The following UBN2 variants were observed in gnomAD, a reference collection of about 807,000 sequenced individuals.
UBN2 encodes ubinuclein 2.
Under a neutral mutation model 120.2 loss-of-function variants are expected in UBN2, and 35 were observed. The ratio of observed to expected loss-of-function variants is 0.29; its 90% CI spans 0.22 to 0.39. The LOEUF (loss-of-function observed/expected upper bound fraction) is 0.39, where lower values mean the gene tolerates loss of function less well. UBN2 is among the 10% of genes least tolerant of loss of function. The pLI is 1.00. For synonymous variants in UBN2, 661 were observed against 648.7 expected (o/e 1.02, Z -0.29); for missense variants, 1,693 against 1,663.2 (o/e 1.02, Z -0.31).
At chr7:139,270,821 C>G (rs1585011775) in intron 8 of UBN2, among the ~76,000 whole-genome samples, 2 of 152,048 alleles carry the variant, frequency 1.3e-5, no homozygotes, top group African/African-American at 4.8e-5. Flanking sequence ...CTCGGCTCAC[C>G]ACAACCTCCA....
Position 139,259,266 on chromosome 7 carries a change from G to A in UBN2, c.802-1G>A. On this transcript the variant is annotated splice_acceptor_variant, in intron 4 of 17. Transcript: ENST00000473989. LOFTEE classifies it high-confidence loss of function. ...ATGATCATTCTTTTATCATTTTGCAGGTCCCCAAAATAAAAGAAGATGATA... is the reference window on the plus strand; with the variant it reads ...ATGATCATTCTTTTATCATTTTGCAAGTCCCCAAAATAAAAGAAGATGATA... 1 of 1,612,066 alleles carries A rather than the reference G, an allele frequency of 6.2e-7. No individual in the cohort carries two copies. The highest frequency in any genetic ancestry group is 8.5e-7 in the Non-Finnish European group (1 of 1,179,398).
intron 2 of UBN2, among the ~76,000 whole-genome samples, chr7:139,240,452 ATAT>A (rs1241422135): frequency 1.6e-3 from 95 of 57,652 alleles, no homozygotes; most frequent in South Asian, 5.3e-3. Context: ...ATATATATAT[ATAT>A]TTTTTTTTTT....
chr7:139,239,030 C>A (rs1488731282), intron 2 of UBN2, among the ~76,000 whole-genome samples: 3 of 152,148 alleles, frequency 2.0e-5, no homozygotes, highest in Non-Finnish European at 4.4e-5. Flanking sequence ...AACTAGTACA[C>A]TTATGTGGCT....
rs766489381 is a variant in UBN2, at chr7:139,283,047, G to A, written c.2142G>A (p.Gln714=). The change falls in exon 15 of 18, where the codon CAG becomes CAA. Residue 714 remains glutamine (Q), a synonymous_variant. Coordinates refer to ENST00000473989, the MANE Select transcript of UBN2 (RefSeq NM_173569.4). ...AGGAGTGTAGTCCAAAAAAGGACCAGAAAACTCCAACATCCCTGGTGGCTT... is the reference window on the plus strand; with the variant it reads ...AGGAGTGTAGTCCAAAAAAGGACCAAAAAACTCCAACATCCCTGGTGGCTT... ...MLKECSPKKD[Q]KTPTSLVASV... The A allele has an allele frequency of 6.2e-7, 1 of 1,602,476 alleles. No individual in the cohort carries two copies. Among genetic ancestry groups the A allele is most frequent in the Non-Finnish European group, 8.5e-7 (1 of 1,175,538 alleles).
At chr7:139,269,910 G>T (rs1373847476) in intron 8 of UBN2, among the ~76,000 whole-genome samples, 1 of 151,624 alleles carries the variant, frequency 6.6e-6, no homozygotes, top group Non-Finnish European at 1.5e-5. Context: ...CTGGGCTCGA[G>T]CAGTCCTCCC....
chr7:139,250,696 A>G (rs1029146420), intron 2 of UBN2, among the ~76,000 whole-genome samples: 2 of 152,190 alleles, frequency 1.3e-5, no homozygotes, highest in African/African-American at 4.8e-5. Flanking sequence ...ACATTGGCAT[A>G]ATACAGTCAA....
the UBN2 span, among the ~76,000 whole-genome samples, chr7:139,313,864 T>A: frequency 6.6e-6 from 1 of 151,656 alleles, no homozygotes; most frequent in Admixed American, 6.6e-5. Context: ...TTTTTTTTTT[T>A]TGAGACAGAG....
rs745528324 is a variant in UBN2, at chr7:139,231,916, C to G, written c.432C>G (p.Phe144Leu). 154 of 1,587,168 alleles carry G rather than the reference C, an allele frequency of 9.7e-5. No homozygotes were observed. The highest frequency in any genetic ancestry group is 1.2e-4 in the Non-Finnish European group (146 of 1,172,928). ...CCACCGACGAGAGCTGCGTGGAGTTCAGTTACCCGGAGCTGCTGCTGTGCG... is the reference window on the plus strand; with the variant it reads ...CCACCGACGAGAGCTGCGTGGAGTTGAGTTACCCGGAGCTGCTGCTGTGCG... Reference protein sequence around the residue: ...KDPTDESCVEFSYPELLLCGE... With the variant: ...KDPTDESCVELSYPELLLCGE... Residue 144 changes from phenylalanine (F) to leucine (L), a missense_variant, in exon 1 of 18, where the codon TTC becomes TTG. Coordinates refer to ENST00000473989, the MANE Select transcript of UBN2 (RefSeq NM_173569.4).
chr7:139,322,289 GTAAAA>G, the UBN2 span, among the ~76,000 whole-genome samples: 2 of 151,990 alleles, frequency 1.3e-5, no homozygotes, highest in South Asian at 4.1e-4. Flanking sequence ...TATTTTTTAA[GTAAAA>G]TAAACAAACA....
intron 3 of UBN2, among the ~76,000 whole-genome samples, chr7:139,254,066 G>A (rs1347939634): frequency 2.0e-5 from 3 of 152,152 alleles, no homozygotes; most frequent in South Asian, 2.1e-4. Flanking sequence ...GGCAGAGGCC[G>A]GCAGATCACG....
intron 2 of UBN2, among the ~76,000 whole-genome samples, chr7:139,242,641 C>CT (rs1796354021): frequency 6.6e-6 from 1 of 152,224 alleles, no homozygotes. Flanking sequence ...ATTCTGATCA[C>CT]TTGCTGTGAC....
At chr7:139,294,006 C>T (rs1798039231) in intron 17 of UBN2, 25 bp downstream of exon 17, 3 of 1,600,760 alleles carry the variant, frequency 1.9e-6, no homozygotes, top group Non-Finnish European at 2.6e-6. Flanking sequence ...TCCTTCATCT[C>T]TTTCTTATTT....
At chr7:139,294,173 A>G (rs1202341692) in intron 17 of UBN2, among the ~76,000 whole-genome samples, 192 bp downstream of exon 17, 1 of 152,258 alleles carries the variant, frequency 6.6e-6, no homozygotes, top group Non-Finnish European at 1.5e-5. Flanking sequence ...GATCTGTAAC[A>G]TATAAAAAGA....
At chr7:139,232,002 C>T (rs779288108) in intron 1 of UBN2, 50 bp downstream of exon 1, 9 of 1,544,718 alleles carry the variant, frequency 5.8e-6, no homozygotes, top group Non-Finnish European at 7.9e-6. Context: ...CCTCAGGACC[C>T]GCCGCCTTCC....
At chr7:139,264,676 C>T (rs1797039757) in intron 6 of UBN2, among the ~76,000 whole-genome samples, 1 of 152,136 alleles carries the variant, frequency 6.6e-6, no homozygotes, top group Admixed American at 6.5e-5. Flanking sequence ...GCAACCTCCG[C>T]CTCCCGGGTT....
intron 1 of UBN2, 115 bp from the exon 2 acceptor site, chr7:139,236,890 C>T (rs1796177220): frequency 5.9e-6 from 3 of 511,012 alleles, no homozygotes; most frequent in Non-Finnish European, 7.0e-6. Context: ...TTTCAGATCA[C>T]ATTTATTGAA....
chr7:139,249,290 C>T (rs1307646925), intron 2 of UBN2, among the ~76,000 whole-genome samples: 2 of 152,118 alleles, frequency 1.3e-5, no homozygotes, highest in Non-Finnish European at 2.9e-5. Context: ...ACAATGGAGT[C>T]ACAGCTTATG....
Position 139,256,182 on chromosome 7 carries a change from A to G in UBN2, c.664-2306A>G, listed in dbSNP as rs184195316. 3.3e-5 allele frequency among the ~76,000 whole-genome samples: 5 copies of G among 152,312 alleles called. No homozygotes were observed. In the East Asian group the frequency reaches 9.6e-4, roughly 29 times the overall value. Reference sequence around the variant, plus strand: ...GAAAAGCTCAGCAGAATACTGCATAAGAAAACAGACTTTGAGCACATCAGA... The same window carrying G: ...GAAAAGCTCAGCAGAATACTGCATAGGAAAACAGACTTTGAGCACATCAGA... On this transcript the variant is annotated intron_variant, in intron 3 of 17. Transcript: ENST00000473989.
rs755587355 is a variant in UBN2 at position 139,237,027 on chromosome 7, A to G, written c.491A>G (p.Asp164Gly). The G allele has an allele frequency of 1.2e-6, 2 of 1,610,698 alleles. No individual in the cohort carries two copies. The highest frequency in any genetic ancestry group is 1.7e-6 in the Non-Finnish European group (2 of 1,177,856). Residue 164 changes from aspartate to glycine, a missense_variant, in exon 2 of 18, where the codon GAC becomes GGC. Transcript: ENST00000473989. ...EQRKKLIHTE[D>G]PFNDEHQERQ... is the part of the protein sequence containing the mutation. ...CAGAAGAAGCTCATTCACACAGAAG[A>G]CCCATTTAATGATGAACATCAGGAG... is the stretch of plus-strand genomic sequence containing the variant.
Sources: gnomAD v4.1 joint callset for allele counts (sites outside exome capture counted in the v4.1 genomes callset) on GRCh38, gnomAD v4.1.1 for gene constraint, MANE v1.5 for transcripts, NCBI Gene and HGNC (gene_info 2026-07-23, HGNC 2026-07-21) for gene names.